Variants in PRKCQ observed in about 807,000 individuals in gnomAD.
The protein encoded by PRKCQ is protein kinase C theta.
In PRKCQ, 41 loss-of-function variants were observed where a neutral mutation model predicts 91.2. The ratio of observed to expected loss-of-function variants is 0.45; its 90% CI spans 0.35 to 0.58. The LOEUF is 0.58. PRKCQ is among the 20% of genes least tolerant of loss of function. The pLI, the probability that PRKCQ is intolerant of heterozygous loss-of-function variation, is 0.00. For missense variants in PRKCQ, 673 were observed against 896.5 expected (o/e 0.75, Z 3.18); for synonymous variants, 307 against 316.9 (o/e 0.97, Z 0.33).
chr10:6,546,665 T>C (rs941818995), intron 1 of PRKCQ, among the ~76,000 whole-genome samples: 4 of 152,208 alleles, frequency 2.6e-5, no homozygotes, highest in South Asian at 2.1e-4. Flanking sequence ...TATACAGTCA[T>C]GTCGTCTGCA....
chr10:6,464,502 T>G, intron 12 of PRKCQ, 98 bp from the exon 13 acceptor site: 1 of 1,017,776 alleles, frequency 9.8e-7, no homozygotes, highest in South Asian at 1.4e-5. Flanking sequence ...CAGGCTGGAG[T>G]GCAGTGGCGT....
At chr10:6,477,149 C>T (rs535909546) in intron 12 of PRKCQ, among the ~76,000 whole-genome samples, 1 of 152,300 alleles carries the variant, frequency 6.6e-6, no homozygotes, top group South Asian at 2.1e-4. Flanking sequence ...GCCCTTTCTG[C>T]CCATTCAAAT....
chr10:6,475,269 C>G (rs1006608651), intron 12 of PRKCQ, among the ~76,000 whole-genome samples: 1 of 152,188 alleles, frequency 6.6e-6, no homozygotes. Context: ...CCCAGCCCCT[C>G]TGCCTGTAAC....
At chr10:6,479,219 T>TA in intron 11 of PRKCQ, 54 bp from the exon 12 acceptor site, 2 of 1,586,792 alleles carry the variant, frequency 1.3e-6, no homozygotes, top group South Asian at 2.3e-5. Flanking sequence ...TCCCATTTCT[T>TA]AAAAAAGAGA....
chr10:6,466,333 C>T (rs560821303), intron 12 of PRKCQ, among the ~76,000 whole-genome samples: 238 of 152,296 alleles, frequency 1.6e-3, no homozygotes, highest in African/African-American at 5.3e-3. Flanking sequence ...CTGAATCAGA[C>T]GCCACACTAG....
the PRKCQ span, among the ~76,000 whole-genome samples, chr10:6,403,834 GA>G: frequency 1.6e-3 from 233 of 149,532 alleles, no homozygotes; most frequent in African/African-American, 5.2e-3. Context: ...ATAAATGAAT[GA>G]AAAAAAAAAT....
chr10:6,461,536 TCTCAAACCTC>T (rs1409321919), intron 14 of PRKCQ, among the ~76,000 whole-genome samples: 1 of 152,318 alleles, frequency 6.6e-6, no homozygotes, highest in African/African-American at 2.4e-5. Flanking sequence ...AATACTTACT[TCTCAAACCTC>T]CTCTAAGCCT....
At chr10:6,570,818 G>A (rs570914186) in intron 1 of PRKCQ, among the ~76,000 whole-genome samples, 1 of 152,252 alleles carries the variant, frequency 6.6e-6, no homozygotes, top group African/African-American at 2.4e-5. Flanking sequence ...GCCTCCCAAA[G>A]TGCTTGGATT....
chr10:6,415,448 A>ATATATATATATATG, the PRKCQ span, among the ~76,000 whole-genome samples: 2 of 103,142 alleles, frequency 1.9e-5, no homozygotes, highest in Non-Finnish European at 4.1e-5. Flanking sequence ...ATATATATAT[A>ATATATATATATATG]TATATATACA....
intron 1 of PRKCQ, among the ~76,000 whole-genome samples, chr10:6,547,691 G>A (rs1368795402): frequency 6.6e-6 from 1 of 151,234 alleles, no homozygotes; most frequent in African/African-American, 2.4e-5. Flanking sequence ...GTAGAAAGCT[G>A]AAACTGGATC....
chr10:6,422,526 T>C (rs910362922), downstream of PRKCQ, among the ~76,000 whole-genome samples: 1 of 152,196 alleles, frequency 6.6e-6, no homozygotes, highest in Non-Finnish European at 1.5e-5. Flanking sequence ...TCTATGATTC[T>C]GGGAAAGATG....
At chr10:6,400,389 C>A in the PRKCQ span, among the ~76,000 whole-genome samples, 1 of 152,202 alleles carries the variant, frequency 6.6e-6, no homozygotes, top group African/African-American at 2.4e-5. Context: ...GGTCCATACA[C>A]ATTTGTTGAA....
At chr10:6,490,892 GTTT>G in intron 8 of PRKCQ, among the ~76,000 whole-genome samples, 1 of 149,022 alleles carries the variant, frequency 6.7e-6, no homozygotes, top group African/African-American at 2.5e-5. Context: ...GTTCTTGAGG[GTTT>G]TTTTTTTTCT....
intron 5 of PRKCQ, among the ~76,000 whole-genome samples, chr10:6,498,183 G>A (rs1249677485): frequency 6.6e-6 from 1 of 151,434 alleles, no homozygotes; most frequent in Non-Finnish European, 1.5e-5. Context: ...AATCCCATGG[G>A]CATTTTTCCT....
At chr10:6,542,193 G>A (rs567620687) in intron 1 of PRKCQ, among the ~76,000 whole-genome samples, 8 of 152,196 alleles carry the variant, frequency 5.3e-5, no homozygotes, top group Admixed American at 2.0e-4. Context: ...GTGGGTTTCA[G>A]CTTCTTTGCC....
At position 6,497,192 on chromosome 10, in the gene PRKCQ, G is replaced by A; in HGVS notation, c.574+28C>T. The A allele has an allele frequency of 1.2e-6, 2 of 1,614,106 alleles. No individual in the cohort carries two copies. Among genetic ancestry groups the A allele is most frequent in the Non-Finnish European group, 1.7e-6 (2 of 1,179,982 alleles). On this transcript the variant is annotated intron_variant, in intron 6 of 17. Coordinates refer to ENST00000263125, the MANE Select transcript of PRKCQ (RefSeq NM_006257.5). The surrounding 1 kb of genome is among the most constrained non-coding windows in gnomAD (Gnocchi z 4.5). ...GAATAACTAAATAAAAAGAATGATG[G>A]TAATGCAACCAAAACCCTCTTACTT...
At position 6,479,007 on chromosome 10, in the gene PRKCQ, A is replaced by C. The variant is rs1228412155; in HGVS notation, c.1338T>G (p.Cys446Trp). 6.2e-7 allele frequency: 1 copy of C among 1,614,202 alleles called. No individual in the cohort carries two copies. The change falls in exon 12 of 18, where the codon TGT becomes TGG. Residue 446 changes from cysteine (C) to tryptophan (W), a missense_variant. Cys to Trp is a radical substitution (Grantham distance 215). Coordinates refer to ENST00000263125, the MANE Select transcript of PRKCQ (RefSeq NM_006257.5). ...GAAGCCATACCTTGGTCTGGAATGT[A>C]CAAAACATGTGCGTCAGAAACGGAT... ...WEHPFLTHMF[C>W]TFQTKENLFF...
chr10:6,548,389 A>T (rs1396138703), intron 1 of PRKCQ, among the ~76,000 whole-genome samples: 4 of 151,588 alleles, frequency 2.6e-5, no homozygotes, highest in Non-Finnish European at 5.9e-5. Flanking sequence ...CTGGGTATAT[A>T]CCCAAAGGAC....
chr10:6,415,451 T>C, the PRKCQ span, among the ~76,000 whole-genome samples: 3 of 95,648 alleles, frequency 3.1e-5, no homozygotes, highest in African/African-American at 1.2e-4. Context: ...TATATATATA[T>C]ATATACACTT....
Sources: allele counts gnomAD v4.1 joint callset (sites outside exome capture counted in the v4.1 genomes callset), GRCh38; gene constraint gnomAD v4.1.1; non-coding constraint Gnocchi (gnomAD v3.1); transcripts MANE v1.5; gene names NCBI Gene and HGNC (gene_info 2026-07-23, HGNC 2026-07-21).